BMP1: variants seen among roughly 807,000 people sequenced by gnomAD.
The protein encoded by BMP1 is bone morphogenetic protein 1.
BMP1 carries 63 observed loss-of-function variants against 116.8 expected under a neutral mutation model. The observed-to-expected ratio is 0.54, with a 90% CI of 0.44 to 0.67. The LOEUF is 0.67. Among genes scored for constraint, BMP1 ranks in the 30% least tolerant of loss-of-function variants. BMP1 has a pLI of 0.00. For synonymous variants in BMP1, 536 were observed against 533.4 expected (o/e 1.00, Z -0.07); for missense variants, 1,183 against 1,358.9 (o/e 0.87, Z 2.04).
intron 16 of BMP1, among the ~76,000 whole-genome samples, chr8:22,203,073 CT>C (rs1328708031): frequency 1.3e-5 from 2 of 152,146 alleles, no homozygotes; most frequent in Non-Finnish European, 2.9e-5. Context: ...CCAGTATCCC[CT>C]AATACCTCCT....
At chr8:22,190,466 G>C (rs192233951) in intron 8 of BMP1, among the ~76,000 whole-genome samples, 6 of 152,310 alleles carry the variant, frequency 3.9e-5, no homozygotes, top group Non-Finnish European at 7.3e-5. Flanking sequence ...TGACGGAAAG[G>C]CTGGAAACTG....
rs529186251 is a variant in BMP1, at chr8:22,183,477, C to T, written c.1077+2994C>T. Among the ~76,000 whole-genome samples, 3 of 152,190 alleles carry T rather than the reference C, an allele frequency of 2.0e-5. No homozygotes were observed. The East Asian group carries it at 5.8e-4, about 29-fold the overall frequency. Reference sequence around the variant, plus strand: ...TTTTCTACCAGCTATGCCTTGGCTTCCTTTGTTTCCCTCTAGAGGGTTCCC... The same window carrying T: ...TTTTCTACCAGCTATGCCTTGGCTTTCTTTGTTTCCCTCTAGAGGGTTCCC... On this transcript the variant is annotated intron_variant, in intron 8 of 19. Coordinates refer to ENST00000306385, the MANE Select transcript of BMP1 (RefSeq NM_006129.5).
intron 15 of BMP1, chr8:22,199,145 A>T: frequency 7.3e-7 from 1 of 1,367,492 alleles, no homozygotes; most frequent in Non-Finnish European, 9.8e-7. Flanking sequence ...ACACACGCCC[A>T]CACGCACACA....
rs538263166 is a variant in BMP1, at chr8:22,179,809, G to T, written c.941G>T (p.Arg314Leu). 9.9e-6 allele frequency: 16 copies of T among 1,613,774 alleles called. No individual in the cohort carries two copies. Among genetic ancestry groups the T allele is most frequent in the Admixed American group, 1.7e-5 (1 of 59,980 alleles). Reference sequence around the variant, plus strand: ...AGCAAGGGGGACATTGCCCAAGCCCGCAAGCTTTACAAGTGCCCAGGTCAG... The same window carrying T: ...AGCAAGGGGGACATTGCCCAAGCCCTCAAGCTTTACAAGTGCCCAGGTCAG... ...RLSKGDIAQARKLYKCPACGE... is the reference protein window; with the variant it reads ...RLSKGDIAQALKLYKCPACGE... Residue 314 changes from arginine (R) to leucine (L), a missense_variant, in exon 7 of 20, where the codon CGC becomes CTC. Around this residue, in one of 4 missense-constraint regions of BMP1, gnomAD observed 956 missense variants for 1,135.2 expected, o/e 0.84. Transcript: ENST00000306385. This position sits in a 1 kb window ranked among gnomAD's most constrained non-coding sequence, Gnocchi z 4.6.
At chr8:22,173,933 G>A (rs1004272655) in intron 2 of BMP1, among the ~76,000 whole-genome samples, 1 of 152,178 alleles carries the variant, frequency 6.6e-6, no homozygotes, top group Non-Finnish European at 1.5e-5. Flanking sequence ...CATTCTTTTT[G>A]TTTACAGTTT....
At chr8:22,172,428 C>T (rs1208217094) in intron 1 of BMP1, among the ~76,000 whole-genome samples, 1 of 151,912 alleles carries the variant, frequency 6.6e-6, no homozygotes, top group Non-Finnish European at 1.5e-5. Flanking sequence ...ATCGGAATGG[C>T]CCTTTAGGGA....
chr8:22,176,707 C>A, intron 4 of BMP1, 57 bp downstream of exon 4: 1 of 1,555,346 alleles, frequency 6.4e-7, no homozygotes. Flanking sequence ...CCAGGTTCTG[C>A]CCTGGGCCCT....
At position 22,179,402 on chromosome 8, in the gene BMP1, T is replaced by C. The variant is rs1313720944; in HGVS notation, c.837-303T>C. Among the ~76,000 whole-genome samples, 1 of 151,696 alleles carries C rather than the reference T, an allele frequency of 6.6e-6. No individual in the cohort carries two copies. Among genetic ancestry groups the C allele is most frequent in the East Asian group, 1.9e-4 (1 of 5,148 alleles). On this transcript the variant is annotated intron_variant, in intron 6 of 19. Coordinates refer to ENST00000306385, the MANE Select transcript of BMP1 (RefSeq NM_006129.5). This position sits in a 1 kb window ranked among gnomAD's most constrained non-coding sequence, Gnocchi z 4.6. ...CCTGTAGCTTTCCTGGGGCTGGGAG[T>C]TGTGGCCAGCCTGAGCTGGGAGCAC... is the stretch of plus-strand genomic sequence containing the variant.
At chr8:22,205,379 C>T (rs1829333157) in intron 16 of BMP1, among the ~76,000 whole-genome samples, 1 of 152,088 alleles carries the variant, frequency 6.6e-6, no homozygotes, top group Non-Finnish European at 1.5e-5. Context: ...ACGCAGGGTG[C>T]AGAGGAGCAG....
chr8:22,183,785 A>T (rs1828691698), intron 8 of BMP1, among the ~76,000 whole-genome samples: 1 of 152,102 alleles, frequency 6.6e-6, no homozygotes, highest in South Asian at 2.1e-4. Context: ...CATGTTGGTC[A>T]GGCTGGTCTC....
At chr8:22,185,583 C>G (rs976502435) in intron 8 of BMP1, among the ~76,000 whole-genome samples, 1 of 152,074 alleles carries the variant, frequency 6.6e-6, no homozygotes, top group African/African-American at 2.4e-5. Flanking sequence ...CATTCCCATC[C>G]CTGCCTCCTG....
chr8:22,185,742 C>T (rs1828750043), intron 8 of BMP1, among the ~76,000 whole-genome samples: 1 of 151,890 alleles, frequency 6.6e-6, no homozygotes, highest in Non-Finnish European at 1.5e-5. Context: ...CTGCCTCAGC[C>T]TCCCGAGTAG....
At chr8:22,176,924 C>A in intron 4 of BMP1, 37 bp from the exon 5 acceptor site, 2 of 1,563,692 alleles carry the variant, frequency 1.3e-6, no homozygotes, top group Non-Finnish European at 1.7e-6. Context: ...ACTCCCCCAG[C>A]TCGGGACCGC....
At chr8:22,180,832 A>C (rs1828599330) in intron 8 of BMP1, among the ~76,000 whole-genome samples, 1 of 152,192 alleles carries the variant, frequency 6.6e-6, no homozygotes, top group Non-Finnish European at 1.5e-5. Context: ...ACTGAGGCAC[A>C]GGGTGGTTAA....
intron 15 of BMP1, chr8:22,199,034 C>T: frequency 1.5e-6 from 2 of 1,343,488 alleles, no homozygotes; most frequent in South Asian, 1.2e-5. Context: ...TTGGAGGGGG[C>T]AGGGGACCGA....
rs1828464259 is a variant in BMP1 at position 22,177,100 on chromosome 8, G to A, written c.691G>A (p.Asp231Asn). Residue 231 changes from aspartate (D) to asparagine (N), a missense_variant, in exon 5 of 20, where the codon GAC (aspartate) becomes AAC (asparagine). Transcript: ENST00000306385. ...GCACGAACACACTCGGCCAGACCGGGACCGCCACGTTTCCATCGTTCGTGA... is the reference window on the plus strand; with the variant it reads ...GCACGAACACACTCGGCCAGACCGGAACCGCCACGTTTCCATCGTTCGTGA... ...FWHEHTRPDR[D>N]RHVSIVRENI... 1.2e-6 allele frequency: 2 copies of A among 1,611,358 alleles called. No homozygotes were observed. Among genetic ancestry groups the A allele is most frequent in the African/African-American group, 1.3e-5 (1 of 74,888 alleles).
At chr8:22,177,668 A>T in intron 5 of BMP1, 184 bp from the exon 6 acceptor site, 1 of 763,716 alleles carries the variant, frequency 1.3e-6, no homozygotes, top group Non-Finnish European at 2.4e-6. Flanking sequence ...CCTCTGCTGG[A>T]CAGGACTCTT....
At chr8:22,189,938 C>T (rs984349550) in intron 8 of BMP1, among the ~76,000 whole-genome samples, 13 of 151,844 alleles carry the variant, frequency 8.6e-5, no homozygotes, top group Non-Finnish European at 1.5e-4. Context: ...ATATTTTTTT[C>T]GAGACAGAGT....
chr8:22,198,052 G>A (rs987524288), intron 15 of BMP1, among the ~76,000 whole-genome samples: 4 of 152,178 alleles, frequency 2.6e-5, no homozygotes, highest in African/African-American at 4.8e-5. Flanking sequence ...GGGTGTAGTC[G>A]TGTGTGCCTG....
Sources: allele counts gnomAD v4.1 joint callset (sites outside exome capture counted in the v4.1 genomes callset), GRCh38; gene constraint gnomAD v4.1.1; regional missense constraint gnomAD v4.1.1; non-coding constraint Gnocchi (gnomAD v3.1); transcripts MANE v1.5; gene names NCBI Gene and HGNC (gene_info 2026-07-23, HGNC 2026-07-21).